Variants in HIVEP1 observed in about 807,000 individuals in gnomAD.
HIVEP1 encodes the protein HIVEP zinc finger 1, also known as zinc finger protein 40.
HIVEP1 carries 36 observed loss-of-function variants against 180.0 expected under a neutral mutation model. That is an observed-to-expected ratio of 0.20 (90% confidence interval 0.15 to 0.26). The LOEUF is 0.26. HIVEP1 is among the 10% of genes least tolerant of loss of function. HIVEP1 has a pLI of 1.00. For missense variants in HIVEP1, 3,143 were observed against 3,268.7 expected (o/e 0.96, Z 0.94); for synonymous variants, 1,239 against 1,239.0 (o/e 1.00, Z 0.00).
rs573208975 is a variant in HIVEP1, at chr6:12,092,245, T to G, written c.94+3008T>G. ...TCATTTCAGTCCTTTTAAAAAACAA[T>G]TATGTCATATAAGTATGTACCCCCA... On this transcript the variant is annotated intron_variant, in intron 3 of 8. Coordinates refer to ENST00000379388, the MANE Select transcript of HIVEP1 (RefSeq NM_002114.4). Among the ~76,000 whole-genome samples the G allele has an allele frequency of 1.3e-3, 205 of 152,260 alleles. 1 individual carries two copies. Among genetic ancestry groups the G allele is most frequent in the African/African-American group, 4.8e-3 (198 of 41,554 alleles).
At chr6:12,146,679 G>A (rs1010666748) in intron 7 of HIVEP1, among the ~76,000 whole-genome samples, 9 of 152,004 alleles carry the variant, frequency 5.9e-5, no homozygotes, top group Non-Finnish European at 1.3e-4. Context: ...ACTATTCTGT[G>A]TTCTCATCCT....
At chr6:12,025,861 G>A (rs207466714) in intron 2 of HIVEP1, among the ~76,000 whole-genome samples, 1 of 152,130 alleles carries the variant, frequency 6.6e-6, no homozygotes, top group Non-Finnish European at 1.5e-5. Flanking sequence ...CCAACATGGC[G>A]AAACCCTGTC....
chr6:12,161,858 T>G lies in HIVEP1; in HGVS notation c.6907T>G (p.Ser2303Ala), dbSNP rs1462299757. 6.2e-7 allele frequency: 1 copy of G among 1,613,994 alleles called. No individual in the cohort carries two copies. The highest frequency in any genetic ancestry group is 1.7e-5 in the Admixed American group (1 of 60,026). Residue 2303 changes from serine to alanine, a missense_variant, in exon 8 of 9, where the codon TCT (serine) becomes GCT (alanine). By Grantham distance (99) the Ser-to-Ala change is moderately conservative. Around this residue, in one of 12 missense-constraint regions of HIVEP1, gnomAD observed 595 missense variants for 602.2 expected, o/e 0.99. Transcript: ENST00000379388. The stretch of plus-strand genomic sequence containing the variant: ...TTCCAGGTCCCCGTGTCATCAGATG[T>G]CTGTGGACTACCCTGAGTCAGAAGA... ...DTSRSPCHQMSVDYPESEEIL... is the reference protein window; with the variant it reads ...DTSRSPCHQMAVDYPESEEIL...
Position 12,122,273 on chromosome 6 carries a change from G to A in HIVEP1, c.2478G>A (p.Leu826=), listed in dbSNP as rs1304546061. 1.2e-6 allele frequency: 2 copies of A among 1,614,094 alleles called. No homozygotes were observed. The highest frequency in any genetic ancestry group is 2.7e-5 in the African/African-American group (2 of 74,944). The change falls in exon 4 of 9, where the codon CTG becomes CTA. Residue 826 remains leucine (L), a synonymous_variant. Transcript: ENST00000379388. ...AAAAATCAAAGCAAGTGTTTCTTCT[G>A]TCTGTACCTTCACTTGACTGTTTAC... The part of the protein sequence containing the change: ...PTEKSKQVFL[L]SVPSLDCLPI...
chr6:12,038,260 A>G (rs6923769), intron 2 of HIVEP1: 3 of 152,374 alleles, frequency 2.0e-5, no homozygotes, highest in Admixed American at 2.0e-4. Flanking sequence ...TTTGAGAACT[A>G]TATTTTGGTG....
rs1204798247 is a variant in HIVEP1, at chr6:12,018,925, A to T, written c.40+3257A>T. 3.3e-5 allele frequency among the ~76,000 whole-genome samples: 5 copies of T among 152,238 alleles called. No individual in the cohort carries two copies. The East Asian group carries it at 7.7e-4, about 23-fold the overall frequency. On this transcript the variant is annotated intron_variant, in intron 2 of 8. Transcript: ENST00000379388. ...GCCCTCAGATTTAAGCCTACATTTC[A>T]TATGTAGAGTTAAAAGTTTTAATAA...
At chr6:12,192,530 C>T in the HIVEP1 span, among the ~76,000 whole-genome samples, 1 of 152,058 alleles carries the variant, frequency 6.6e-6, no homozygotes, top group Non-Finnish European at 1.5e-5. Flanking sequence ...GTGATTGGAT[C>T]GTGGGGGCAG....
At chr6:12,162,710 T>G (rs1760485391) in intron 8 of HIVEP1, among the ~76,000 whole-genome samples, 1 of 152,218 alleles carries the variant, frequency 6.6e-6, no homozygotes, top group Non-Finnish European at 1.5e-5. Context: ...TCCCAAAACC[T>G]CTCAGACACT....
intron 3 of HIVEP1, among the ~76,000 whole-genome samples, chr6:12,096,284 A>G (rs1773778736): frequency 6.6e-6 from 1 of 152,066 alleles, no homozygotes; most frequent in African/African-American, 2.4e-5. Context: ...CTGTTCTAGT[A>G]ATACTGAATG....
chr6:12,027,930 AT>A (rs1768691220), intron 2 of HIVEP1, among the ~76,000 whole-genome samples: 1 of 152,198 alleles, frequency 6.6e-6, no homozygotes, highest in Non-Finnish European at 1.5e-5. Context: ...GAGTAAGTAA[AT>A]GATATTTTCG....
Position 12,163,973 on chromosome 6 carries a change from T to C in HIVEP1, c.7669T>C (p.Ser2557Pro), listed in dbSNP as rs1760583112. Residue 2557 changes from serine (S) to proline (P), a missense_variant, in exon 9 of 9, where the codon TCA becomes CCA. By Grantham distance (74) the Ser-to-Pro change is moderately conservative. Transcript: ENST00000379388. ...CATAGCATTGCCCACCTTAATCCCC[T>C]CAGTCAGTCAAGTAGCCGTTGATGC... ...LNIALPTLIP[S>P]VSQVAVDAQG... The C allele has an allele frequency of 3.1e-6, 5 of 1,613,840 alleles. No homozygotes were observed. The highest frequency in any genetic ancestry group is 4.2e-6 in the Non-Finnish European group (5 of 1,179,970).
At chr6:12,104,729 C>T (rs998690976) in intron 3 of HIVEP1, among the ~76,000 whole-genome samples, 29 of 152,090 alleles carry the variant, frequency 1.9e-4, no homozygotes, top group African/African-American at 5.6e-4. Flanking sequence ...AGCCACTGCA[C>T]CTAGCAACTG....
At chr6:12,021,140 C>T (rs182584267) in intron 2 of HIVEP1, among the ~76,000 whole-genome samples, 2,676 of 152,190 alleles carry the variant, frequency 0.018, 76 homozygotes, top group African/African-American at 0.062. Context: ...GTGATCCAAC[C>T]GCCTCAAAGT....
chr6:12,189,164 T>C, the HIVEP1 span, among the ~76,000 whole-genome samples: 1 of 151,914 alleles, frequency 6.6e-6, no homozygotes, highest in Non-Finnish European at 1.5e-5. Flanking sequence ...CTTACTCCTT[T>C]CACCAAAATA....
chr6:12,138,440 C>T (rs1056397439), intron 7 of HIVEP1, among the ~76,000 whole-genome samples: 1 of 152,052 alleles, frequency 6.6e-6, no homozygotes, highest in Non-Finnish European at 1.5e-5. Context: ...TGCACATGTC[C>T]CTGTTTGAGG....
At position 12,164,275 on chromosome 6, in the gene HIVEP1, A is replaced by G. The variant is rs772425454; in HGVS notation, c.7971A>G (p.Pro2657=). The G allele has an allele frequency of 6.2e-7, 1 of 1,614,106 alleles. No homozygotes were observed. Among genetic ancestry groups the G allele is most frequent in the South Asian group, 1.1e-5 (1 of 91,084 alleles). ...KPELTSIQGQ[P]ASTSQPLLKA... Reference sequence around the variant, plus strand: ...AACTCACTTCCATACAGGGCCAACCAGCGTCCACGTCACAACCTCTGCTGA... The same window carrying G: ...AACTCACTTCCATACAGGGCCAACCGGCGTCCACGTCACAACCTCTGCTGA... The change falls in exon 9 of 9, where the codon CCA becomes CCG. Residue 2657 remains proline, a synonymous_variant. Transcript: ENST00000379388.
downstream of HIVEP1, among the ~76,000 whole-genome samples, chr6:12,166,565 T>TA (rs1435085587): frequency 2.0e-5 from 3 of 152,184 alleles, no homozygotes; most frequent in African/African-American, 7.2e-5. Context: ...TGCAGCTCTA[T>TA]AAAAAATATT....
chr6:12,169,946 C>G (rs1760853962), downstream of HIVEP1, among the ~76,000 whole-genome samples: 1 of 151,994 alleles, frequency 6.6e-6, no homozygotes, highest in Admixed American at 6.6e-5. Flanking sequence ...CAGCGAAACC[C>G]TGTCTCTACT....
chr6:12,076,857 G>A (rs1304200411), intron 2 of HIVEP1, among the ~76,000 whole-genome samples: 1 of 152,140 alleles, frequency 6.6e-6, no homozygotes, highest in African/African-American at 2.4e-5. Context: ...TGGGGCTGAA[G>A]GAAAGAGAAT....
Sources: allele counts gnomAD v4.1 joint callset (sites outside exome capture counted in the v4.1 genomes callset), GRCh38; gene constraint gnomAD v4.1.1; regional missense constraint gnomAD v4.1.1; transcripts MANE v1.5; gene names NCBI Gene and HGNC (gene_info 2026-07-23, HGNC 2026-07-21).